GRIP1: variants seen among roughly 807,000 people sequenced by gnomAD.
The protein encoded by GRIP1 is glutamate receptor interacting protein 1, also known as glutamate receptor-interacting protein 1.
GRIP1 carries 45 observed loss-of-function variants against 129.9 expected under a neutral mutation model. The ratio of observed to expected loss-of-function variants is 0.35; its 90% CI spans 0.27 to 0.44. The LOEUF is 0.44. Among genes scored for constraint, GRIP1 ranks in the 20% least tolerant of loss-of-function variants. GRIP1 has a pLI of 1.00. For missense variants in GRIP1, 1,196 were observed against 1,396.8 expected (o/e 0.86, Z 2.29); for synonymous variants, 530 against 520.8 (o/e 1.02, Z -0.24).
chr12:66,656,348 TA>T (rs942539930), intron 1 of GRIP1, among the ~76,000 whole-genome samples: 2 of 151,414 alleles, frequency 1.3e-5, no homozygotes, highest in African/African-American at 2.4e-5. Context: ...TTTCCCATTT[TA>T]AAAAAAAACA....
intron 1 of GRIP1, among the ~76,000 whole-genome samples, chr12:66,608,959 TATTATA>T (rs1484896180): frequency 0.01 from 1,079 of 106,022 alleles, 6 homozygotes; most frequent in Middle Eastern, 0.048. Flanking sequence ...ATTATTATTA[TATTATA>T]TATATATTTT....
chr12:66,889,427 C>G (rs1020493148), intron 1 of GRIP1, among the ~76,000 whole-genome samples: 4 of 152,184 alleles, frequency 2.6e-5, no homozygotes, highest in African/African-American at 9.7e-5. Flanking sequence ...CACCATTGCA[C>G]TCCAGCCTGG....
chr12:66,578,989 G>T (rs2063257093), intron 2 of GRIP1, among the ~76,000 whole-genome samples: 1 of 152,312 alleles, frequency 6.6e-6, no homozygotes, highest in African/African-American at 2.4e-5. Context: ...CCCCTGAGCA[G>T]CCTAACTGGG....
intron 1 of GRIP1, among the ~76,000 whole-genome samples, chr12:66,952,651 A>T (rs980260339): frequency 7.9e-5 from 12 of 152,176 alleles, no homozygotes; most frequent in African/African-American, 2.9e-4. Flanking sequence ...GGCAGAAAAC[A>T]CTTACTTTTT....
chr12:66,539,545 CTTTTTTTTTTT>C (rs35373698), intron 3 of GRIP1, among the ~76,000 whole-genome samples: 1 of 59,288 alleles, frequency 1.7e-5, no homozygotes, highest in Non-Finnish European at 3.0e-5. Context: ...TCAAGAGAAG[CTTTTTTTTTTT>C]TTTTTTTTTT....
intron 1 of GRIP1, among the ~76,000 whole-genome samples, chr12:66,847,927 A>G (rs1488923279): frequency 6.6e-6 from 1 of 152,202 alleles, no homozygotes; most frequent in Non-Finnish European, 1.5e-5. Flanking sequence ...TCATTGTTTT[A>G]GATAAAACAT....
At chr12:66,971,975 T>C (rs2042082014) in intron 1 of GRIP1, among the ~76,000 whole-genome samples, 1 of 152,150 alleles carries the variant, frequency 6.6e-6, no homozygotes, top group Admixed American at 6.6e-5. Context: ...AGCTGGTGAA[T>C]GCCAGAAGCG....
chr12:66,797,112 T>G (rs192070083), intron 1 of GRIP1, among the ~76,000 whole-genome samples: 5 of 152,232 alleles, frequency 3.3e-5, no homozygotes, highest in Admixed American at 3.3e-4. Flanking sequence ...ACTTCAAATT[T>G]TAAAAAGCAG....
chr12:66,814,199 G>A (rs2039160118), intron 1 of GRIP1, among the ~76,000 whole-genome samples: 1 of 151,948 alleles, frequency 6.6e-6, no homozygotes, highest in African/African-American at 2.4e-5. Flanking sequence ...GTGCAACTGT[G>A]AGCAAGTTAA....
At chr12:66,635,706 T>A (rs920723809) in intron 1 of GRIP1, among the ~76,000 whole-genome samples, 1 of 151,964 alleles carries the variant, frequency 6.6e-6, no homozygotes, top group African/African-American at 2.4e-5. Flanking sequence ...AGGATTAGTA[T>A]CCAGAATACA....
chr12:66,920,964 C>T (rs546725079), intron 1 of GRIP1, among the ~76,000 whole-genome samples: 2 of 152,334 alleles, frequency 1.3e-5, no homozygotes, highest in South Asian at 4.1e-4. Context: ...CTGTCATTCT[C>T]TTTCATGTGC....
intron 23 of GRIP1, among the ~76,000 whole-genome samples, chr12:66,368,761 CA>C (rs1362608109): frequency 6.6e-6 from 1 of 152,156 alleles, no homozygotes; most frequent in Non-Finnish European, 1.5e-5. Flanking sequence ...CTTTTCATGA[CA>C]TTAGGTAGTC....
rs962103675 is a variant in GRIP1 at position 66,432,572 on chromosome 12, C to T, written c.1744G>A (p.Val582Met). The T allele has an allele frequency of 1.9e-6, 3 of 1,598,984 alleles. No homozygotes were observed. Among genetic ancestry groups the T allele is most frequent in the African/African-American group, 1.3e-5 (1 of 74,666 alleles). Residue 582 changes from valine to methionine, a missense_variant, in exon 14 of 25, where the codon GTG becomes ATG. Val to Met is a conservative substitution (Grantham distance 21). Transcript: ENST00000359742. ...FHVKLPKKHN[V>M]ELGITISSPS... ...CAACTTATGGTTATTCCAAGTTCCA[C>T]ATTGTGCTTCTTAGGCAGCTTTACA... is the stretch of plus-strand genomic sequence containing the variant.
chr12:66,699,323 A>C (rs1198938777), intron 1 of GRIP1, among the ~76,000 whole-genome samples: 1 of 152,184 alleles, frequency 6.6e-6, no homozygotes, highest in Non-Finnish European at 1.5e-5. Flanking sequence ...ACAGAGAGTG[A>C]TATGGCTTGG....
Position 66,456,306 on chromosome 12 carries a change from TCC to T in GRIP1, c.1077_1078del (p.Trp359Ter), listed in dbSNP as rs1287749900. The T allele has an allele frequency of 1.6e-6, 2 of 1,289,438 alleles. No homozygotes were observed. 79.9% of individuals were successfully genotyped at this position (1,289,438 alleles called of 1,614,324 possible). On this transcript the variant is annotated stop_gained and frameshift_variant, in exon 10 of 25. Coordinates refer to ENST00000359742, the MANE Select transcript of GRIP1 (RefSeq NM_001366722.1). LOFTEE classifies it high-confidence loss of function. ...GCTGCTGTGGTTGCTGGCCCAGGAA[TCC>T]CAGGTAAGTTGCCTGTCGCTCCTCT...
intron 1 of GRIP1, among the ~76,000 whole-genome samples, chr12:66,656,071 A>AT (rs2033137698): frequency 6.6e-6 from 1 of 151,992 alleles, no homozygotes; most frequent in South Asian, 2.1e-4. Flanking sequence ...CTGAGTATAA[A>AT]TTTTTTCTCC....
chr12:66,768,440 C>T (rs572583573), intron 1 of GRIP1, among the ~76,000 whole-genome samples: 2 of 152,120 alleles, frequency 1.3e-5, no homozygotes, highest in Admixed American at 6.5e-5. Context: ...AAATTGCTTC[C>T]GTGGCAATAA....
At chr12:66,856,369 A>C (rs1178454097) in intron 1 of GRIP1, among the ~76,000 whole-genome samples, 1 of 152,198 alleles carries the variant, frequency 6.6e-6, no homozygotes, top group African/African-American at 2.4e-5. Context: ...AAAATTGACA[A>C]ATGGGATCTA....
Position 66,880,943 on chromosome 12 carries a change from C to T in GRIP1, c.58+188107G>A, listed in dbSNP as rs74695373. On this transcript the variant is annotated intron_variant, in intron 1 of 1. Coordinates refer to the GRIP1 transcript ENST00000643019. ...AATATCTCTAGTTCTCACCAGTCAG[C>T]AGCTCAATACTTGAAGTCAGGTTTT... Among the ~76,000 whole-genome samples the T allele has an allele frequency of 4.7e-3, 705 of 151,426 alleles. 8 individuals are homozygous for T. Among genetic ancestry groups the T allele is most frequent in the African/African-American group, 0.016 (659 of 41,344 alleles).
Sources: gnomAD v4.1 joint callset for allele counts (sites outside exome capture counted in the v4.1 genomes callset) on GRCh38, gnomAD v4.1.1 for gene constraint, MANE v1.5 for transcripts, NCBI Gene and HGNC (gene_info 2026-07-23, HGNC 2026-07-21) for gene names.